Variants in PACSIN2 observed in about 807,000 individuals in gnomAD.
PACSIN2 encodes the protein protein kinase C and casein kinase substrate in neurons 2.
PACSIN2 carries 25 observed loss-of-function variants against 63.8 expected under a neutral mutation model. The ratio of observed to expected loss-of-function variants is 0.39; its 90% CI spans 0.29 to 0.55. The LOEUF (loss-of-function observed/expected upper bound fraction) is 0.55. Among genes scored for constraint, PACSIN2 ranks in the 20% least tolerant of loss-of-function variants. The pLI is 0.62. For missense variants in PACSIN2, 518 were observed against 646.9 expected (o/e 0.80, Z 2.16); for synonymous variants, 255 against 256.2 (o/e 1.00, Z 0.05).
chr22:42,900,011 G>A (rs1930565111), intron 2 of PACSIN2, among the ~76,000 whole-genome samples: 1 of 152,290 alleles, frequency 6.6e-6, no homozygotes, highest in East Asian at 1.9e-4. Context: ...TTATTGATGA[G>A]CGAGTCCCCC....
chr22:42,904,887 C>T (rs889328631), intron 2 of PACSIN2, among the ~76,000 whole-genome samples: 2 of 152,242 alleles, frequency 1.3e-5, no homozygotes, highest in South Asian at 4.1e-4. Context: ...CTGCACTGTG[C>T]CCAGCTCAAA....
chr22:42,951,363 C>T (rs1933683857), intron 1 of PACSIN2, among the ~76,000 whole-genome samples: 1 of 152,126 alleles, frequency 6.6e-6, no homozygotes, highest in Non-Finnish European at 1.5e-5. Flanking sequence ...GCTCAGCCTC[C>T]TCTTCTCTGT....
chr22:42,917,769 C>T (rs1219007063), intron 1 of PACSIN2, among the ~76,000 whole-genome samples: 1 of 152,086 alleles, frequency 6.6e-6, no homozygotes, highest in Non-Finnish European at 1.5e-5. Context: ...CTGCATTTCC[C>T]TCACTGATTG....
chr22:43,003,528 A>C (rs1034270695), intron 1 of PACSIN2, among the ~76,000 whole-genome samples: 4 of 152,136 alleles, frequency 2.6e-5, no homozygotes, highest in Admixed American at 2.6e-4. Flanking sequence ...GTGTGAACCC[A>C]GGAGGCGGAG....
intron 1 of PACSIN2, among the ~76,000 whole-genome samples, chr22:42,953,322 G>A (rs556227973): frequency 6.7e-4 from 102 of 152,062 alleles, no homozygotes; most frequent in African/African-American, 2.3e-3. Context: ...AATGGAAAAT[G>A]GGCATGATGA....
At chr22:42,931,751 A>C (rs530769663) in intron 1 of PACSIN2, among the ~76,000 whole-genome samples, 2 of 152,362 alleles carry the variant, frequency 1.3e-5, no homozygotes, top group African/African-American at 4.8e-5. Flanking sequence ...TAACAGAGCC[A>C]TGCAGAGATC....
chr22:42,912,930 C>T (rs1448195016), intron 1 of PACSIN2, among the ~76,000 whole-genome samples: 4 of 152,212 alleles, frequency 2.6e-5, no homozygotes, highest in Non-Finnish European at 5.9e-5. Flanking sequence ...CTTAGCTTAG[C>T]AACAGGAAGG....
intron 1 of PACSIN2, among the ~76,000 whole-genome samples, chr22:42,982,130 G>C (rs9680554): frequency 2.3e-5 from 3 of 131,296 alleles, no homozygotes; most frequent in African/African-American, 9.0e-5. Context: ...GAGGTGGGGG[G>C]ACAGCCCCCC....
At chr22:42,918,362 G>T (rs1931948859) in intron 1 of PACSIN2, among the ~76,000 whole-genome samples, 1 of 152,130 alleles carries the variant, frequency 6.6e-6, no homozygotes, top group Admixed American at 6.6e-5. Context: ...GCTCCACCTG[G>T]GAGCCCAAGC....
chr22:42,923,882 A>T (rs1451638301), intron 1 of PACSIN2, among the ~76,000 whole-genome samples: 1 of 152,092 alleles, frequency 6.6e-6, no homozygotes, highest in Non-Finnish European at 1.5e-5. Context: ...AAAATAAATT[A>T]AAAAATAAAA....
In PACSIN2 at chr22:42,963,005, T is replaced by C. The variant is rs370546447; in HGVS notation, c.-77-50848A>G. 5.5e-4 allele frequency among the ~76,000 whole-genome samples: 84 copies of C among 152,310 alleles called. 1 individual carries two copies. Among genetic ancestry groups the C allele is most frequent in the Middle Eastern group, 3.4e-3 (1 of 294 alleles). ...CAGTGATACAGCTGCCCGACCACTC[T>C]TTAGGTGATGCTGGGACAGAAACCG... On this transcript the variant is annotated intron_variant, in intron 1 of 10. Coordinates refer to ENST00000263246, the MANE Select transcript of PACSIN2 (RefSeq NM_001184970.3).
intron 1 of PACSIN2, among the ~76,000 whole-genome samples, chr22:42,962,829 G>A (rs1441312266): frequency 1.3e-5 from 2 of 150,074 alleles, no homozygotes; most frequent in Admixed American, 1.3e-4. Flanking sequence ...GAATAGTAGT[G>A]GGACTAGGAA....
intron 2 of PACSIN2, among the ~76,000 whole-genome samples, chr22:42,904,755 C>T (rs907122792): frequency 1.3e-5 from 2 of 152,168 alleles, no homozygotes; most frequent in Non-Finnish European, 2.9e-5. Context: ...TCCACCCTGG[C>T]CCTAGCCCCC....
rs1486302030 is a variant in PACSIN2, at chr22:42,876,190, C to T, written c.1295G>A (p.Arg432Gln). The change falls in exon 10 of 11, where the codon CGG becomes CAG. Residue 432 changes from arginine to glutamine, a missense_variant. Physicochemically the swap from Arg to Gln is conservative, Grantham distance 43 (BLOSUM62 1). Coordinates refer to ENST00000263246, the MANE Select transcript of PACSIN2 (RefSeq NM_001184970.3). ...DATSGTEVRV[R>Q]ALYDYEGQEH... ...CTGCCCCTCATAGTCATACAGGGCC[C>T]GGACTCGCACTTCCGTCCCCGAGGT... 12 of 1,614,124 alleles carry T rather than the reference C, an allele frequency of 7.4e-6. No individual in the cohort carries two copies. Among genetic ancestry groups the T allele is most frequent in the Admixed American group, 1.7e-5 (1 of 60,016 alleles).
intron 1 of PACSIN2, among the ~76,000 whole-genome samples, chr22:43,010,790 G>A (rs151319051): frequency 2.0e-5 from 3 of 152,154 alleles, no homozygotes; most frequent in East Asian, 1.9e-4. Context: ...AGACTCTATG[G>A]TGCTTTAAGT....
At chr22:42,954,527 T>G (rs1452790980) in intron 1 of PACSIN2, among the ~76,000 whole-genome samples, 1 of 152,192 alleles carries the variant, frequency 6.6e-6, no homozygotes, top group East Asian at 1.9e-4. Flanking sequence ...TTCTGAAGCT[T>G]GGACTACAAG....
intron 2 of PACSIN2, among the ~76,000 whole-genome samples, chr22:42,904,130 T>C (rs1200348796): frequency 6.6e-6 from 1 of 152,028 alleles, no homozygotes; most frequent in Non-Finnish European, 1.5e-5. Flanking sequence ...ATAGACAACA[T>C]AGAAAGAAAG....
At chr22:42,907,756 C>T (rs116275088) in intron 2 of PACSIN2, among the ~76,000 whole-genome samples, 1 of 152,250 alleles carries the variant, frequency 6.6e-6, no homozygotes, top group African/African-American at 2.4e-5. Flanking sequence ...CTAGGAGGCC[C>T]GAGGCTGGGC....
chr22:42,916,524 C>T (rs986037424), intron 1 of PACSIN2, among the ~76,000 whole-genome samples: 13 of 152,084 alleles, frequency 8.5e-5, no homozygotes, highest in African/African-American at 3.1e-4. Flanking sequence ...CAGCAGGGGC[C>T]CTGTCCAACC....
Sources: gnomAD v4.1 joint callset for allele counts (sites outside exome capture counted in the v4.1 genomes callset) on GRCh38, gnomAD v4.1.1 for gene constraint, MANE v1.5 for transcripts, NCBI Gene and HGNC (gene_info 2026-07-23, HGNC 2026-07-21) for gene names.